DLGAP1: variants seen among roughly 807,000 people sequenced by gnomAD.
The protein encoded by DLGAP1 is DLG associated protein 1.
Under a neutral mutation model 90.8 loss-of-function variants are expected in DLGAP1, and 11 were observed. That is an observed-to-expected ratio of 0.12 (90% CI 0.08 to 0.20). The LOEUF is 0.20. Ranked by LOEUF, DLGAP1 falls within the 10% of genes least tolerant of loss-of-function variation. The probability of loss-of-function intolerance (pLI) is 1.00; values close to 1 mark genes in which losing one functional copy is unlikely to be tolerated. For synonymous variants in DLGAP1, 558 were observed against 540.7 expected (o/e 1.03, Z -0.44); for missense variants, 1,050 against 1,333.8 (o/e 0.79, Z 3.31).
chr18:4,019,439 A>G (rs1201030315), intron 2 of DLGAP1, among the ~76,000 whole-genome samples: 1 of 152,190 alleles, frequency 6.6e-6, no homozygotes, highest in Non-Finnish European at 1.5e-5. Flanking sequence ...CTTACAAGAT[A>G]TAATTTTTTA....
chr18:3,556,638 G>A (rs531553820), intron 9 of DLGAP1, among the ~76,000 whole-genome samples: 1 of 152,228 alleles, frequency 6.6e-6, no homozygotes, highest in African/African-American at 2.4e-5. Context: ...ATGCACCACA[G>A]TTTATTTATC....
At chr18:3,863,347 T>A (rs572594818) in intron 4 of DLGAP1, among the ~76,000 whole-genome samples, 1 of 152,320 alleles carries the variant, frequency 6.6e-6, no homozygotes, top group South Asian at 2.1e-4. Context: ...TCATAGCACA[T>A]TTTTAATAAC....
intron 10 of DLGAP1, among the ~76,000 whole-genome samples, chr18:3,524,319 A>G (rs1352214076): frequency 2.0e-5 from 3 of 152,114 alleles, no homozygotes; most frequent in East Asian, 3.9e-4. Context: ...TATATATACC[A>G]CATATATATA....
chr18:4,029,816 T>G (rs1341836979), intron 2 of DLGAP1, among the ~76,000 whole-genome samples: 1 of 152,096 alleles, frequency 6.6e-6, no homozygotes, highest in Non-Finnish European at 1.5e-5. Flanking sequence ...TTTTCCTCAT[T>G]TATCACCTTC....
At chr18:4,344,553 G>C (rs2081267775) in intron 1 of DLGAP1, among the ~76,000 whole-genome samples, 1 of 152,156 alleles carries the variant, frequency 6.6e-6, no homozygotes, top group Non-Finnish European at 1.5e-5. Flanking sequence ...ACAGAGAAAA[G>C]TATTACGGTC....
intron 1 of DLGAP1, among the ~76,000 whole-genome samples, chr18:4,356,446 T>C (rs1458873871): frequency 1.3e-5 from 2 of 152,082 alleles, no homozygotes; most frequent in Non-Finnish European, 2.9e-5. Context: ...AACCTGCCCA[T>C]CCCCGTTTTT....
intron 1 of DLGAP1, among the ~76,000 whole-genome samples, chr18:4,387,930 TA>T (rs11320835): frequency 0.25 from 31,339 of 122,944 alleles, 3,897 homozygotes; most frequent in South Asian, 0.33. Flanking sequence ...CCATCACACA[TA>T]CACACACACA....
At chr18:4,290,230 A>G (rs1347554013) in intron 1 of DLGAP1, among the ~76,000 whole-genome samples, 2 of 152,214 alleles carry the variant, frequency 1.3e-5, no homozygotes, top group African/African-American at 4.8e-5. Flanking sequence ...TATACTAGGT[A>G]TTATGCATAC....
chr18:4,060,350 T>C (rs960690879), intron 2 of DLGAP1, among the ~76,000 whole-genome samples: 2 of 152,154 alleles, frequency 1.3e-5, no homozygotes, highest in African/African-American at 2.4e-5. Flanking sequence ...AAGAAAAGGT[T>C]AACACTGCTT....
intron 5 of DLGAP1, among the ~76,000 whole-genome samples, chr18:3,757,214 C>T (rs953033335): frequency 2.0e-5 from 3 of 152,106 alleles, no homozygotes; most frequent in African/African-American, 7.2e-5. Context: ...TCAAGACCAG[C>T]CTGGCCAAAA....
chr18:4,177,878 T>C (rs2077137275), intron 1 of DLGAP1, among the ~76,000 whole-genome samples: 1 of 152,190 alleles, frequency 6.6e-6, no homozygotes, highest in Admixed American at 6.5e-5. Context: ...TTGATGAGCA[T>C]TTAGGTTGAT....
chr18:3,759,312 C>G (rs539772092), intron 5 of DLGAP1, among the ~76,000 whole-genome samples: 1 of 151,286 alleles, frequency 6.6e-6, no homozygotes, highest in African/African-American at 2.4e-5. Context: ...TCTGAATGCT[C>G]AACTGGAGAA....
chr18:3,983,530 T>G (rs1356173441), intron 3 of DLGAP1: 1 of 152,214 alleles, frequency 6.6e-6, no homozygotes, highest in East Asian at 1.9e-4. Flanking sequence ...ATGAGCCATC[T>G]CAAGTACCAC....
At chr18:3,971,214 C>T (rs1442439490) in intron 3 of DLGAP1, among the ~76,000 whole-genome samples, 2 of 152,210 alleles carry the variant, frequency 1.3e-5, no homozygotes, top group African/African-American at 2.4e-5. Flanking sequence ...CTGGCAAGAA[C>T]TTTGCAGTAA....
intron 4 of DLGAP1, chr18:3,845,149 A>G: frequency 6.5e-7 from 1 of 1,532,054 alleles, no homozygotes; most frequent in African/African-American, 1.4e-5. Flanking sequence ...ATGTTAAAAG[A>G]AAGATGATAG....
chr18:4,311,067 A>G (rs2080386785), intron 1 of DLGAP1, among the ~76,000 whole-genome samples: 1 of 152,200 alleles, frequency 6.6e-6, no homozygotes, highest in East Asian at 1.9e-4. Flanking sequence ...GCCTAGGTCT[A>G]AAGAGAAAAC....
At chr18:3,751,300 T>C (rs1234210502) in intron 5 of DLGAP1, among the ~76,000 whole-genome samples, 1 of 152,154 alleles carries the variant, frequency 6.6e-6, no homozygotes, top group Non-Finnish European at 1.5e-5. Context: ...TTCATTTTCT[T>C]TCTTTTTTCT....
intron 2 of DLGAP1, among the ~76,000 whole-genome samples, chr18:4,115,586 C>A (rs113386397): frequency 6.6e-6 from 1 of 151,850 alleles, no homozygotes; most frequent in Admixed American, 6.6e-5. Context: ...CCGGGGTTCA[C>A]GCCATCCTCC....
At chr18:3,888,588 T>C (rs1859993329) in intron 3 of DLGAP1, among the ~76,000 whole-genome samples, 1 of 151,986 alleles carries the variant, frequency 6.6e-6, no homozygotes, top group Non-Finnish European at 1.5e-5. Context: ...AACTGAAATC[T>C]TCTCCAATTT....
Sources: allele counts gnomAD v4.1 joint callset (sites outside exome capture counted in the v4.1 genomes callset), GRCh38; gene constraint gnomAD v4.1.1; transcripts MANE v1.5; gene names NCBI Gene and HGNC (gene_info 2026-07-23, HGNC 2026-07-21).